The following ZBTB8B variants were observed in gnomAD, a reference collection of about 807,000 sequenced individuals.
ZBTB8B encodes the protein zinc finger and BTB domain containing 8B, also known as zinc finger and BTB domain-containing protein 8B.
Under a neutral mutation model 30.3 loss-of-function variants are expected in ZBTB8B, and 17 were observed. The ratio of observed to expected loss-of-function variants is 0.56; its 90% CI spans 0.38 to 0.84. The LOEUF is 0.84. Ranked by LOEUF, ZBTB8B falls within the 40% of genes least tolerant of loss-of-function variation. The probability of loss-of-function intolerance (pLI) is 0.00; values close to 1 mark genes in which losing one functional copy is unlikely to be tolerated. For synonymous variants in ZBTB8B, 248 were observed against 255.6 expected (o/e 0.97, Z 0.28); for missense variants, 515 against 644.9 (o/e 0.80, Z 2.18).
In ZBTB8B at chr1:32,494,450, C is replaced by T. The variant is rs745539179; in HGVS notation, c.*9032C>T. ...TTGTTTCCCTGGGTATCCATCAGAC[C>T]AGAGGCACAGGAGAGGAAAATGCTG... is the stretch of plus-strand genomic sequence containing the variant. On this transcript the variant is annotated 3_prime_UTR_variant, in exon 4 of 4. Transcript: ENST00000609129. 1 of 152,132 alleles carries T rather than the reference C, an allele frequency of 6.6e-6. No individual in the cohort carries two copies. The highest frequency in any genetic ancestry group is 2.4e-5 in the African/African-American group (1 of 41,416). 9.4% of individuals were successfully genotyped at this position (152,132 alleles called of 1,614,324 possible).
chr1:32,467,699 G>C (rs981922827), intron 1 of ZBTB8B, among the ~76,000 whole-genome samples: 1 of 152,192 alleles, frequency 6.6e-6, no homozygotes, highest in Non-Finnish European at 1.5e-5. Flanking sequence ...CATGGCTCAT[G>C]CTTTCAAAGG....
At chr1:32,475,816 G>GTTTT (rs1331933358) in intron 2 of ZBTB8B, among the ~76,000 whole-genome samples, 3 of 125,854 alleles carry the variant, frequency 2.4e-5, no homozygotes, top group African/African-American at 3.0e-5. Context: ...AAGAGGGGAG[G>GTTTT]TTTTTTTTTT....
At chr1:32,472,093 C>T (rs1381143155) in intron 2 of ZBTB8B, among the ~76,000 whole-genome samples, 1 of 152,188 alleles carries the variant, frequency 6.6e-6, no homozygotes, top group Non-Finnish European at 1.5e-5. Context: ...ACCAGTATCA[C>T]CATCTCATTA....
chr1:32,469,712 C>G (rs988140791), intron 1 of ZBTB8B, among the ~76,000 whole-genome samples: 1 of 152,130 alleles, frequency 6.6e-6, no homozygotes, highest in African/African-American at 2.4e-5. Flanking sequence ...ATTTCCTTAT[C>G]AGAACAAGGG....
intron 1 of ZBTB8B, among the ~76,000 whole-genome samples, chr1:32,470,260 G>C (rs1221190042): frequency 2.0e-5 from 3 of 152,080 alleles, no homozygotes; most frequent in Admixed American, 6.6e-5. Context: ...CAGCGCTTTG[G>C]GAGGCCGAGG....
chr1:32,485,400 C>T lies in ZBTB8B; in HGVS notation c.1470C>T (p.Asp490=), dbSNP rs1643738005. Residue 490 remains aspartate, a synonymous_variant, in exon 4 of 4, where the codon GAC becomes GAT. Transcript: ENST00000609129. The stretch of plus-strand genomic sequence containing the variant: ...CACAAATTCAGCCTAACTTATCAGA[C>T]CGAGAGACACTTACGTAGCAATAAA... ...DKPQIQPNLS[D]RETLT is the part of the protein sequence containing the mutation. 1 of 1,550,982 alleles carries T rather than the reference C, an allele frequency of 6.4e-7. No homozygotes were observed. Among genetic ancestry groups the T allele is most frequent in the South Asian group, 1.2e-5 (1 of 84,044 alleles).
In ZBTB8B at chr1:32,471,216, G is replaced by A. The variant is rs1187961098; in HGVS notation, c.592G>A (p.Gly198Arg). Residue 198 changes from glycine (G) to arginine (R), a missense_variant, in exon 2 of 4, where the codon GGA (glycine) becomes AGA (arginine). Physicochemically the swap from Gly to Arg is moderately radical, Grantham distance 125. This residue lies in a region of ZBTB8B where 429 missense variants were observed against 504.3 expected (regional missense o/e 0.85). Transcript: ENST00000609129. The stretch of plus-strand genomic sequence containing the variant: ...GAGAGAGTCCCCTTGCGGTGACTGC[G>A]GAGACTGCCACCCCTTGGAACTGGT... ...CLRESPCGDC[G>R]DCHPLELVVR... 1.9e-6 allele frequency: 3 copies of A among 1,551,940 alleles called. No homozygotes were observed. Among genetic ancestry groups the A allele is most frequent in the Admixed American group, 3.9e-5 (2 of 51,012 alleles).
At chr1:32,478,550 C>T (rs1204910878) in intron 2 of ZBTB8B, among the ~76,000 whole-genome samples, 2 of 152,114 alleles carry the variant, frequency 1.3e-5, no homozygotes, top group Non-Finnish European at 2.9e-5. Context: ...TCCTATTTTA[C>T]TTGTATCAGT....
At position 32,479,166 on chromosome 1, in the gene ZBTB8B, G is replaced by GTGATATGATA. The variant is rs55796835; in HGVS notation, c.992-1706_992-1697dup. On this transcript the variant is annotated intron_variant, in intron 2 of 3. Transcript: ENST00000609129. ...GCTTGAGTCACTAGTGCCTTCATAGGTGATATGATATGATATGATATGATA... is the reference window on the plus strand; with the variant it reads ...GCTTGAGTCACTAGTGCCTTCATAGGTGATATGATATGATATGATATGATATGATATGATA... 4.1e-4 allele frequency among the ~76,000 whole-genome samples: 63 copies of GTGATATGATA among 152,090 alleles called. 2 individuals are homozygous for GTGATATGATA. The South Asian group carries it at 0.013, about 32-fold the overall frequency.
chr1:32,468,619 A>G (rs1445887887), intron 1 of ZBTB8B, among the ~76,000 whole-genome samples: 1 of 152,076 alleles, frequency 6.6e-6, no homozygotes, highest in Non-Finnish European at 1.5e-5. Context: ...TCCACCAAAT[A>G]CTTCAGTATA....
At chr1:32,467,805 G>A (rs1169017477) in intron 1 of ZBTB8B, among the ~76,000 whole-genome samples, 2 of 151,970 alleles carry the variant, frequency 1.3e-5, no homozygotes, top group Non-Finnish European at 2.9e-5. Context: ...TCTCCCAGTT[G>A]CATGAAATAG....
intron 2 of ZBTB8B, among the ~76,000 whole-genome samples, chr1:32,478,176 T>C (rs1398938809): frequency 2.0e-5 from 3 of 151,316 alleles, no homozygotes; most frequent in Non-Finnish European, 4.4e-5. Context: ...GCCATGATCA[T>C]GCCACTGCAC....
chr1:32,487,092 T>C lies in ZBTB8B; in HGVS notation c.*1674T>C, dbSNP rs1316553589. The C allele has an allele frequency of 6.6e-6, 1 of 152,256 alleles. No individual in the cohort carries two copies. The highest frequency in any genetic ancestry group is 1.5e-5 in the Non-Finnish European group (1 of 68,048). The allele number at this position is 152,256 out of a possible 1,614,324, so 9.4% of individuals were successfully genotyped here. A position where few individuals can be genotyped will look rare whatever the true frequency, so the allele number is the denominator to read the frequency against. The stretch of plus-strand genomic sequence containing the variant: ...TTTAAAAGAAATCTTCTTGTCTTCC[T>C]TTAAGTGTAGTTGTCTTTCAAAAGG... On this transcript the variant is annotated 3_prime_UTR_variant, in exon 4 of 4. Transcript: ENST00000609129.
rs115372958 is a variant in ZBTB8B at position 32,491,110 on chromosome 1, G to A, written c.*5692G>A. 1 of 152,202 alleles carries A rather than the reference G, an allele frequency of 6.6e-6. No individual in the cohort carries two copies. Among genetic ancestry groups the A allele is most frequent in the African/African-American group, 2.4e-5 (1 of 41,444 alleles). 9.4% of individuals were successfully genotyped at this position (152,202 alleles called of 1,614,324 possible). ...GACCTTTGTCAGTTAATCAGTGGAG[G>A]TTAGGGCAGGGATTATGTGCTTTGA... On this transcript the variant is annotated 3_prime_UTR_variant, in exon 4 of 4. Coordinates refer to ENST00000609129, the MANE Select transcript of ZBTB8B (RefSeq NM_001145720.2).
chr1:32,469,036 A>AT (rs907405182), intron 1 of ZBTB8B, among the ~76,000 whole-genome samples: 16 of 151,276 alleles, frequency 1.1e-4, no homozygotes, highest in Admixed American at 3.3e-4. Context: ...ACAAAAAAAA[A>AT]TTTTTTTTTA....
intron 2 of ZBTB8B, among the ~76,000 whole-genome samples, chr1:32,479,799 C>T (rs886085342): frequency 2.6e-5 from 4 of 152,160 alleles, no homozygotes; most frequent in African/African-American, 9.7e-5. Context: ...AGTTTCTATA[C>T]ATGTGAGTGA....
At chr1:32,472,990 C>A (rs1003494274) in intron 2 of ZBTB8B, among the ~76,000 whole-genome samples, 1 of 152,168 alleles carries the variant, frequency 6.6e-6, no homozygotes, top group Non-Finnish European at 1.5e-5. Flanking sequence ...TGGGCTTTTG[C>A]GTTTTAAGAG....
Position 32,471,631 on chromosome 1 carries a change from A to C in ZBTB8B, c.991+16A>C. On this transcript the variant is annotated intron_variant, in intron 2 of 3. Transcript: ENST00000609129. ...GAGGACTCAGGTGAGCTCCCTTAGC[A>C]TTCATCAGCCCTGCCAGTGATTGAG... 3 of 1,540,838 alleles carry C rather than the reference A, an allele frequency of 1.9e-6. No individual in the cohort carries two copies. Among genetic ancestry groups the C allele is most frequent in the Non-Finnish European group, 2.6e-6 (3 of 1,138,582 alleles).
intron 1 of ZBTB8B, among the ~76,000 whole-genome samples, chr1:32,467,198 A>G (rs921534265): frequency 4.6e-5 from 7 of 151,812 alleles, no homozygotes; most frequent in African/African-American, 1.7e-4. Context: ...AAAACATTCT[A>G]TCAGAAAGGT....
Sources: allele counts gnomAD v4.1 joint callset (sites outside exome capture counted in the v4.1 genomes callset), GRCh38; gene constraint gnomAD v4.1.1; regional missense constraint gnomAD v4.1.1; transcripts MANE v1.5; gene names NCBI Gene and HGNC (gene_info 2026-07-23, HGNC 2026-07-21).